Variants in DOCK9 observed in about 807,000 individuals in gnomAD.
DOCK9 encodes dedicator of cytokinesis 9.
A neutral mutation model predicts 263.3 loss-of-function variants in DOCK9; 89 were observed. The ratio of observed to expected loss-of-function variants is 0.34; its 90% CI spans 0.28 to 0.40. DOCK9 has a LOEUF of 0.40. Ranked by LOEUF, DOCK9 falls within the 10% of genes least tolerant of loss-of-function variation. The probability of loss-of-function intolerance (pLI) is 1.00; values close to 1 mark genes in which losing one functional copy is unlikely to be tolerated. For missense variants in DOCK9, 2,140 were observed against 2,603.4 expected, an observed-to-expected ratio of 0.82 and a Z score of 3.87; for synonymous variants, 976 against 973.1, an observed-to-expected ratio of 1.00 and a Z score of -0.06.
At chr13:99,031,501 A>G (rs995779476) in intron 1 of DOCK9, among the ~76,000 whole-genome samples, 2 of 152,224 alleles carry the variant, frequency 1.3e-5, no homozygotes, top group African/African-American at 4.8e-5. Flanking sequence ...TTACACACAT[A>G]AGATTCTGAG....
At chr13:99,014,359 T>A (rs1885046280) in intron 1 of DOCK9, among the ~76,000 whole-genome samples, 2 of 152,234 alleles carry the variant, frequency 1.3e-5, no homozygotes, top group African/African-American at 4.8e-5. Context: ...ATTTAACAGT[T>A]AATATAGCAC....
intron 38 of DOCK9, among the ~76,000 whole-genome samples, chr13:98,839,692 G>A (rs1482880762): frequency 6.6e-6 from 1 of 152,244 alleles, no homozygotes; most frequent in Non-Finnish European, 1.5e-5. Flanking sequence ...ATGGCCTGAA[G>A]AACTCCCATA....
chr13:99,046,950 G>A (rs1234851135), intron 1 of DOCK9, among the ~76,000 whole-genome samples: 1 of 152,216 alleles, frequency 6.6e-6, no homozygotes, highest in African/African-American at 2.4e-5. Flanking sequence ...TCTCCCATAA[G>A]GATGAGCGTG....
chr13:98,873,938 C>T (rs994539235), intron 27 of DOCK9, among the ~76,000 whole-genome samples: 10 of 152,224 alleles, frequency 6.6e-5, no homozygotes, highest in African/African-American at 2.2e-4. Flanking sequence ...CTTCTATGAT[C>T]TCACGCTCAA....
At chr13:98,851,622 A>G (rs2093574050) in intron 35 of DOCK9, among the ~76,000 whole-genome samples, 1 of 152,242 alleles carries the variant, frequency 6.6e-6, no homozygotes, top group Admixed American at 6.5e-5. Flanking sequence ...AAGGACAGCA[A>G]GGAGGGGCCC....
chr13:98,860,346 G>T, intron 33 of DOCK9, 59 bp downstream of exon 33: 1 of 1,550,020 alleles, frequency 6.5e-7, no homozygotes, highest in East Asian at 2.4e-5. Flanking sequence ...CCAACTATTG[G>T]CTCCAAGACA....
chr13:99,010,277 C>T (rs1381526070), intron 1 of DOCK9, among the ~76,000 whole-genome samples: 4 of 152,184 alleles, frequency 2.6e-5, no homozygotes, highest in South Asian at 4.1e-4. Flanking sequence ...AGCTACTTGA[C>T]GTGGAATATG....
intron 2 of DOCK9, among the ~76,000 whole-genome samples, chr13:98,938,146 A>G (rs1052016642): frequency 1.3e-5 from 2 of 152,230 alleles, no homozygotes; most frequent in African/African-American, 4.8e-5. Context: ...GTAGCAGCCA[A>G]TACGTTACCC....
intron 45 of DOCK9, among the ~76,000 whole-genome samples, chr13:98,823,417 G>A (rs1017250945): frequency 6.6e-6 from 1 of 152,228 alleles, no homozygotes; most frequent in African/African-American, 2.4e-5. Context: ...TCCCTGGCAT[G>A]AGAATGGTTA....
At chr13:98,894,686 T>TGACAATAA (rs1460169424) in intron 15 of DOCK9, among the ~76,000 whole-genome samples, 1 of 151,886 alleles carries the variant, frequency 6.6e-6, no homozygotes, top group Admixed American at 6.6e-5. Context: ...ACTCAAAAAA[T>TGACAATAA]GACAATAATT....
chr13:99,064,314 T>C (rs2041323238), intron 1 of DOCK9, among the ~76,000 whole-genome samples: 1 of 152,200 alleles, frequency 6.6e-6, no homozygotes, highest in Non-Finnish European at 1.5e-5. Context: ...GTTGTCACTA[T>C]ATTGATAAAT....
chr13:98,883,676 G>T, intron 22 of DOCK9, 137 bp downstream of exon 22: 2 of 574,146 alleles, frequency 3.5e-6, no homozygotes. Flanking sequence ...CACTTCAGTT[G>T]TACTTTCTTT....
intron 41 of DOCK9, among the ~76,000 whole-genome samples, chr13:98,830,498 A>C (rs2092716457): frequency 6.6e-6 from 1 of 152,188 alleles, no homozygotes; most frequent in African/African-American, 2.4e-5. Context: ...ATATGCCACC[A>C]TGGGTCCTCC....
chr13:99,014,724 T>C (rs544879204), intron 1 of DOCK9, among the ~76,000 whole-genome samples: 2 of 152,244 alleles, frequency 1.3e-5, no homozygotes, highest in East Asian at 1.9e-4. Flanking sequence ...GAAGGAAAAA[T>C]GGCAAGGCAT....
chr13:98,917,644 C>T (rs111572122), intron 7 of DOCK9, among the ~76,000 whole-genome samples: 113 of 117,372 alleles, frequency 9.6e-4, no homozygotes, highest in East Asian at 4.1e-3. Context: ...CTTTTTTTTT[C>T]TTTTTTTTTT....
intron 33 of DOCK9, chr13:98,859,192 T>A (rs953573213): frequency 2.0e-5 from 3 of 152,176 alleles, no homozygotes; most frequent in Non-Finnish European, 2.9e-5. Flanking sequence ...TGGCTGGGAA[T>A]GGGGCAAAGC....
chr13:98,919,302 G>A (rs1185903554), intron 7 of DOCK9, among the ~76,000 whole-genome samples: 3 of 152,056 alleles, frequency 2.0e-5, no homozygotes, highest in Non-Finnish European at 4.4e-5. Context: ...TAGAGACGGG[G>A]TTTCACCATG....
At chr13:98,918,380 T>C (rs1384385993) in intron 7 of DOCK9, among the ~76,000 whole-genome samples, 4 of 151,506 alleles carry the variant, frequency 2.6e-5, no homozygotes, top group Non-Finnish European at 4.4e-5. Context: ...AGAGCCGAGC[T>C]CCAGAAAGAT....
intron 2 of DOCK9, among the ~76,000 whole-genome samples, chr13:98,935,383 A>G (rs1182949021): frequency 6.6e-6 from 1 of 152,232 alleles, no homozygotes; most frequent in Non-Finnish European, 1.5e-5. Flanking sequence ...AACAACACTA[A>G]AAGTCCACAT....
Sources: gnomAD v4.1 joint callset for allele counts (sites outside exome capture counted in the v4.1 genomes callset) on GRCh38, gnomAD v4.1.1 for gene constraint, MANE v1.5 for transcripts, NCBI Gene and HGNC (gene_info 2026-07-23, HGNC 2026-07-21) for gene names.